The following SLC25A25 variants were observed in gnomAD, a reference collection of about 807,000 sequenced individuals.
SLC25A25 encodes solute carrier family 25 member 25.
SLC25A25 carries 32 observed loss-of-function variants against 57.7 expected under a neutral mutation model. The ratio of observed to expected loss-of-function variants is 0.55; its 90% CI spans 0.42 to 0.74. The LOEUF is 0.74. Among genes scored for constraint, SLC25A25 ranks in the 30% least tolerant of loss-of-function variants. SLC25A25 has a pLI of 0.00. For synonymous variants in SLC25A25, 306 were observed against 291.2 expected, an observed-to-expected ratio of 1.05 and a Z score of -0.52; for missense variants, 556 against 701.3, an observed-to-expected ratio of 0.79 and a Z score of 2.34.
Position 128,107,424 on chromosome 9 carries a change from C to G in SLC25A25, c.1528C>G (p.Leu510Val), listed in dbSNP as rs771515643. 2.0e-6 allele frequency: 3 copies of G among 1,507,852 alleles called. No individual in the cohort carries two copies. The highest frequency in any genetic ancestry group is 2.7e-6 in the Non-Finnish European group (3 of 1,127,446). The allele number at this position is 1,507,852 out of a possible 1,614,324, so 93.4% of individuals were successfully genotyped here. The change falls in exon 11 of 11, where the codon CTG becomes GTG. Residue 510 changes from leucine to valine, a missense_variant. By Grantham distance (32) the Leu-to-Val change is conservative. Transcript: ENST00000373069. ...GGTCTACGAGAACCTGAAGATCACCCTGGGCGTGCAGTCGCGGTGACGGGG... is the reference window on the plus strand; with the variant it reads ...GGTCTACGAGAACCTGAAGATCACCGTGGGCGTGCAGTCGCGGTGACGGGG... Reference protein sequence around the residue: ...YVVYENLKITLGVQSR With the variant: ...YVVYENLKITVGVQSR
intron 1 of SLC25A25, among the ~76,000 whole-genome samples, chr9:128,075,897 C>T (rs1199299770): frequency 6.6e-6 from 1 of 152,184 alleles, no homozygotes; most frequent in African/African-American, 2.4e-5. Flanking sequence ...CACATCCCCA[C>T]AAGGGAATGA....
intron 1 of SLC25A25, among the ~76,000 whole-genome samples, chr9:128,069,177 G>A (rs1832846944): frequency 6.6e-6 from 1 of 152,230 alleles, no homozygotes; most frequent in African/African-American, 2.4e-5. Flanking sequence ...GAGTGTGGAC[G>A]GAGTGAAAGA....
rs1215839971 is a variant in SLC25A25, at chr9:128,101,247, GC to G, written c.388+27del. ...GGTAAGTGTTGCCTTCAGAGCTGTG[GC>G]CGGTCCAGCCTCGGGCCTCCCCGTG... is the stretch of plus-strand genomic sequence containing the variant. On this transcript the variant is annotated intron_variant, in intron 2 of 10. Transcript: ENST00000373069. This position sits in a 1 kb window ranked among gnomAD's most constrained non-coding sequence, Gnocchi z 4.9. 2.5e-6 allele frequency: 4 copies of G among 1,614,240 alleles called. No individual in the cohort carries two copies. Among genetic ancestry groups the G allele is most frequent in the Non-Finnish European group, 2.5e-6 (3 of 1,180,036 alleles).
At position 128,068,260 on chromosome 9, in the gene SLC25A25, G is replaced by A. The variant is rs1237574182; in HGVS notation, c.-60G>A. ...GAGCGCCTGGCTTGCCTCCCGCGCG[G>A]TCACCGCCGGCCCGCCGCCCCCGCT... On this transcript the variant is annotated 5_prime_UTR_variant, in exon 1 of 11. Coordinates refer to ENST00000373069, the MANE Select transcript of SLC25A25 (RefSeq NM_001330988.2). The A allele has an allele frequency of 2.9e-5, 31 of 1,057,448 alleles. No individual in the cohort carries two copies. The highest frequency in any genetic ancestry group is 5.0e-5 in the African/African-American group (3 of 59,804). 65.5% of individuals were successfully genotyped at this position (1,057,448 alleles called of 1,614,324 possible).
rs867195548 is a variant in SLC25A25, at chr9:128,106,156, C to T, written c.943C>T (p.Arg315Cys). The change falls in exon 8 of 11, where the codon CGC becomes TGC. Residue 315 changes from arginine to cysteine, a missense_variant. Physicochemically the swap from Arg to Cys is radical, Grantham distance 180. Coordinates refer to ENST00000373069, the MANE Select transcript of SLC25A25 (RefSeq NM_001330988.2). ...IKFMAYEQIKRLVGSDQETLR... is the reference protein window; with the variant it reads ...IKFMAYEQIKCLVGSDQETLR... ...TGTTTGTTCCTGGTTCTAGATCAAGCGCCTTGTTGGTAGTGACCAGGAGAC... is the reference window on the plus strand; with the variant it reads ...TGTTTGTTCCTGGTTCTAGATCAAGTGCCTTGTTGGTAGTGACCAGGAGAC... 5.6e-6 allele frequency: 9 copies of T among 1,614,102 alleles called. No homozygotes were observed. The highest frequency in any genetic ancestry group is 1.1e-5 in the South Asian group (1 of 91,094).
At chr9:128,083,699 T>C (rs1833212272) in intron 1 of SLC25A25, among the ~76,000 whole-genome samples, 1 of 150,686 alleles carries the variant, frequency 6.6e-6, no homozygotes, top group Non-Finnish European at 1.5e-5. Flanking sequence ...TTTGTATTTT[T>C]AGTAAAGATG....
intron 1 of SLC25A25, among the ~76,000 whole-genome samples, chr9:128,092,900 C>CT (rs1292242185): frequency 6.6e-6 from 1 of 152,150 alleles, no homozygotes; most frequent in Middle Eastern, 3.2e-3. Flanking sequence ...TTTAAGGAGA[C>CT]TAATGGAGTG....
chr9:128,091,742 T>C, intron 1 of SLC25A25: 1 of 1,474,434 alleles, frequency 6.8e-7, no homozygotes, highest in Admixed American at 2.4e-5. Flanking sequence ...CGCCCCTGCA[T>C]GCAGAGCTTC....
intron 1 of SLC25A25, chr9:128,092,071 T>G (rs774044717): frequency 1.2e-6 from 2 of 1,613,786 alleles, no homozygotes; most frequent in African/African-American, 2.7e-5. Context: ...TGGTTGGACC[T>G]GCAGAGCAGT....
In SLC25A25 at chr9:128,102,229, C is replaced by A; in HGVS notation, c.512+114C>A. On this transcript the variant is annotated intron_variant, in intron 4 of 10. Coordinates refer to ENST00000373069, the MANE Select transcript of SLC25A25 (RefSeq NM_001330988.2). This position sits in a 1 kb window ranked among gnomAD's most constrained non-coding sequence, Gnocchi z 4.1. Reference sequence around the variant, plus strand: ...TGTGCTAAGTGGGGTGTGGAGCCCCCTGCTCTTTCTCCTGGGGGCAGAGGC... The same window carrying A: ...TGTGCTAAGTGGGGTGTGGAGCCCCATGCTCTTTCTCCTGGGGGCAGAGGC... 1.4e-6 allele frequency: 2 copies of A among 1,436,758 alleles called. No homozygotes were observed. The highest frequency in any genetic ancestry group is 1.2e-5 in the South Asian group (1 of 82,014). 89.0% of individuals were successfully genotyped at this position (1,436,758 alleles called of 1,614,324 possible). A position where few individuals can be genotyped will look rare whatever the true frequency, so the allele number is the denominator to read the frequency against.
intron 1 of SLC25A25, chr9:128,094,301 T>G (rs1833498395): frequency 6.6e-6 from 1 of 152,232 alleles, no homozygotes. Context: ...AGTTTTTCCC[T>G]TTATCTTTGT....
chr9:128,078,152 C>T (rs189062557), intron 1 of SLC25A25, among the ~76,000 whole-genome samples: 1 of 152,018 alleles, frequency 6.6e-6, no homozygotes, highest in African/African-American at 2.4e-5. Context: ...TTATCAGAAA[C>T]TTGTTGGTAT....
intron 1 of SLC25A25, among the ~76,000 whole-genome samples, chr9:128,069,708 C>G (rs141035164): frequency 1.3e-5 from 2 of 152,086 alleles, no homozygotes; most frequent in African/African-American, 2.4e-5. Flanking sequence ...AGTAACACTA[C>G]GCAAGATAGA....
At chr9:128,087,562 T>C (rs1387085973) in intron 1 of SLC25A25, among the ~76,000 whole-genome samples, 1 of 152,224 alleles carries the variant, frequency 6.6e-6, no homozygotes, top group Non-Finnish European at 1.5e-5. Flanking sequence ...TTCTTGTGCT[T>C]AGGGTTTGTT....
In SLC25A25 at chr9:128,068,956, AC is replaced by A. The variant is rs931745556; in HGVS notation, c.261+381del. ...GGTTCATCCATCAGTCCCCAGCAGC[AC>A]CCCCTCCTTTCCCTCTCGTTTCCAT... On this transcript the variant is annotated intron_variant, in intron 1 of 10. Transcript: ENST00000373069. Among the ~76,000 whole-genome samples, 7 of 150,792 alleles carry A rather than the reference AC, an allele frequency of 4.6e-5. 1 individual carries two copies. Among genetic ancestry groups the A allele is most frequent in the Non-Finnish European group, 1.0e-4 (7 of 67,714 alleles).
At chr9:128,087,451 T>C (rs1833303909) in intron 1 of SLC25A25, among the ~76,000 whole-genome samples, 2 of 152,144 alleles carry the variant, frequency 1.3e-5, no homozygotes, top group Admixed American at 1.3e-4. Flanking sequence ...CTTATCTGTA[T>C]GTAATGGGTC....
rs79575872 is a variant in SLC25A25, at chr9:128,084,236, C to T, written c.261+15656C>T. Among the ~76,000 whole-genome samples, 273 of 150,062 alleles carry T rather than the reference C, an allele frequency of 1.8e-3. 1 individual carries two copies. The highest frequency in any genetic ancestry group is 6.0e-3 in the African/African-American group (248 of 41,026). Reference sequence around the variant, plus strand: ...CTCCTCTCTGCAATTCAGGCACAACCGACCAGCATTAACATTAAAACAGAT... The same window carrying T: ...CTCCTCTCTGCAATTCAGGCACAACTGACCAGCATTAACATTAAAACAGAT... On this transcript the variant is annotated intron_variant, in intron 1 of 10. Transcript: ENST00000373069.
At chr9:128,091,887 G>T in intron 1 of SLC25A25, 1 of 1,610,942 alleles carries the variant, frequency 6.2e-7, no homozygotes, top group South Asian at 1.1e-5. Context: ...CAGATGCTGT[G>T]GCATTTCCTA....
intron 7 of SLC25A25, 24 bp downstream of exon 7, chr9:128,105,905 GGTC>G (rs1213596891): frequency 3.1e-6 from 5 of 1,608,912 alleles, no homozygotes; most frequent in Non-Finnish European, 4.2e-6. Context: ...TCCTCAGGAG[GGTC>G]ACCGGCCAGT....
Sources: allele counts gnomAD v4.1 joint callset (sites outside exome capture counted in the v4.1 genomes callset), GRCh38; gene constraint gnomAD v4.1.1; non-coding constraint Gnocchi (gnomAD v3.1); transcripts MANE v1.5; gene names NCBI Gene and HGNC (gene_info 2026-07-23, HGNC 2026-07-21).